The following KLHL1 variants were observed in gnomAD, a reference collection of about 807,000 sequenced individuals.
KLHL1 encodes the protein kelch like family member 1, also known as kelch-like protein 1.
In KLHL1, 47 loss-of-function variants were observed where a neutral mutation model predicts 77.7. That is an observed-to-expected ratio of 0.60 (90% CI 0.48 to 0.77). KLHL1 has a LOEUF of 0.77. Among genes scored for constraint, KLHL1 ranks in the 30% least tolerant of loss-of-function variants. KLHL1 has a pLI of 0.00. For missense variants in KLHL1, 925 were observed against 910.8 expected (o/e 1.02, Z -0.20); for synonymous variants, 360 against 325.2 (o/e 1.11, Z -1.15).
rs5804459 is a variant in KLHL1, at chr13:70,024,620, TTCTCTCTCTCTCTCTC to T, written c.498-48834_498-48819del. Reference sequence around the variant, plus strand: ...CTGGTTAGGGGTGAGGAGAAAAGATTTCTCTCTCTCTCTCTCTCTCTCTCTCTCTCTCTCTCTCTCG... The same window carrying T: ...CTGGTTAGGGGTGAGGAGAAAAGATTTCTCTCTCTCTCTCTCTCTCTCTCG... On this transcript the variant is annotated intron_variant, in intron 1 of 10. Transcript: ENST00000377844. Among the ~76,000 whole-genome samples, 49 of 130,304 alleles carry T rather than the reference TTCTCTCTCTCTCTCTC, an allele frequency of 3.8e-4. 1 individual carries two copies. The highest frequency in any genetic ancestry group is 3.8e-3 in the Middle Eastern group (1 of 260). The allele number at this position is 130,304 out of a possible 152,430, so 85.5% of individuals were successfully genotyped here. A position where few individuals can be genotyped will look rare whatever the true frequency, so the allele number is the denominator to read the frequency against.
intron 2 of KLHL1, among the ~76,000 whole-genome samples, chr13:69,972,344 G>A (rs1466511695): frequency 6.6e-6 from 1 of 151,836 alleles, no homozygotes; most frequent in East Asian, 1.9e-4. Flanking sequence ...TAAACTTATT[G>A]TCAAATATGT....
At chr13:70,034,085 A>G (rs1328674749) in intron 1 of KLHL1, among the ~76,000 whole-genome samples, 1 of 152,188 alleles carries the variant, frequency 6.6e-6, no homozygotes, top group East Asian at 1.9e-4. Context: ...AGTTCTAAGA[A>G]TCACCTCAAG....
At chr13:70,046,357 C>G (rs1030216804) in intron 1 of KLHL1, among the ~76,000 whole-genome samples, 1 of 152,216 alleles carries the variant, frequency 6.6e-6, no homozygotes, top group Non-Finnish European at 1.5e-5. Flanking sequence ...TCCAACTTTA[C>G]AAGTGAAGAA....
At chr13:70,055,955 C>T (rs1381419074) in intron 1 of KLHL1, among the ~76,000 whole-genome samples, 1 of 151,938 alleles carries the variant, frequency 6.6e-6, no homozygotes, top group Non-Finnish European at 1.5e-5. Flanking sequence ...CAAACTAACA[C>T]TAATAAGTCC....
At chr13:69,734,392 T>G (rs1593783224) in intron 8 of KLHL1, among the ~76,000 whole-genome samples, 1 of 152,264 alleles carries the variant, frequency 6.6e-6, no homozygotes, top group African/African-American at 2.4e-5. Flanking sequence ...TTTCCCAGTT[T>G]CGGGTATTTC....
At chr13:69,884,069 A>T (rs994395782) in intron 4 of KLHL1, among the ~76,000 whole-genome samples, 5 of 152,200 alleles carry the variant, frequency 3.3e-5, no homozygotes, top group African/African-American at 7.2e-5. Context: ...GCAAGTGACC[A>T]TTAATCTGTA....
intron 1 of KLHL1, among the ~76,000 whole-genome samples, chr13:70,002,770 G>C (rs577675407): frequency 6.6e-6 from 1 of 151,604 alleles, no homozygotes; most frequent in East Asian, 1.9e-4. Flanking sequence ...ATATGCTAAC[G>C]TGCTAAGTAT....
intron 8 of KLHL1, among the ~76,000 whole-genome samples, chr13:69,739,844 C>T (rs1252428556): frequency 6.6e-6 from 1 of 152,064 alleles, no homozygotes; most frequent in African/African-American, 2.4e-5. Flanking sequence ...TTTGCCACTT[C>T]CCAGGGGATA....
At chr13:69,813,218 G>A (rs867028658) in intron 6 of KLHL1, among the ~76,000 whole-genome samples, 1,930 of 151,598 alleles carry the variant, frequency 0.013, 44 homozygotes, top group African/African-American at 0.044. Flanking sequence ...GCAAACTATC[G>A]CAAGGACAAA....
chr13:70,031,763 G>A (rs1180602620), intron 1 of KLHL1, among the ~76,000 whole-genome samples: 1 of 152,170 alleles, frequency 6.6e-6, no homozygotes, highest in Non-Finnish European at 1.5e-5. Context: ...TTGTTCTAGA[G>A]TGATAGTATG....
intron 1 of KLHL1, among the ~76,000 whole-genome samples, chr13:70,065,582 A>C (rs1886988187): frequency 6.6e-6 from 1 of 152,230 alleles, no homozygotes; most frequent in South Asian, 2.1e-4. Context: ...GACATCTTGC[A>C]GCAGCAATTA....
intron 1 of KLHL1, among the ~76,000 whole-genome samples, chr13:70,004,621 T>C (rs1330784765): frequency 1.3e-5 from 2 of 151,986 alleles, no homozygotes; most frequent in East Asian, 3.9e-4. Flanking sequence ...CACATTTAAA[T>C]ATGTACAAAG....
chr13:69,975,514 T>A (rs28402140), intron 2 of KLHL1, 106 bp downstream of exon 2: 2 of 389,672 alleles, frequency 5.1e-6, no homozygotes, highest in Admixed American at 7.5e-5. Context: ...CTTAAAAAAA[T>A]GTGAATCCTT....
chr13:70,082,144 T>C (rs949433104), intron 1 of KLHL1, among the ~76,000 whole-genome samples: 1 of 152,140 alleles, frequency 6.6e-6, no homozygotes, highest in African/African-American at 2.4e-5. Flanking sequence ...GTAAGTCTCC[T>C]GAGAGCTCCC....
intron 1 of KLHL1, among the ~76,000 whole-genome samples, chr13:69,996,546 C>G (rs761685528): frequency 6.6e-6 from 1 of 152,052 alleles, no homozygotes; most frequent in African/African-American, 2.4e-5. Context: ...CTTCCCATAA[C>G]ACTTTGTAAA....
At chr13:70,087,865 A>C (rs371660821) in intron 1 of KLHL1, among the ~76,000 whole-genome samples, 6 of 152,052 alleles carry the variant, frequency 3.9e-5, no homozygotes, top group African/African-American at 1.5e-4. Flanking sequence ...GTAGGATTAC[A>C]AATAGATGCT....
At chr13:69,802,188 A>G (rs1235710454) in intron 6 of KLHL1, among the ~76,000 whole-genome samples, 5 of 152,148 alleles carry the variant, frequency 3.3e-5, no homozygotes, top group Non-Finnish European at 7.3e-5. Flanking sequence ...CCTGCAAAGG[A>G]CATAAATTCA....
chr13:69,821,822 C>A (rs550817195), intron 6 of KLHL1, among the ~76,000 whole-genome samples: 1 of 152,096 alleles, frequency 6.6e-6, no homozygotes, highest in Non-Finnish European at 1.5e-5. Flanking sequence ...CTATTTTCGA[C>A]TAACTTTTTT....
intron 4 of KLHL1, among the ~76,000 whole-genome samples, chr13:69,917,913 T>C (rs1270267097): frequency 1.3e-5 from 2 of 152,150 alleles, no homozygotes; most frequent in African/African-American, 4.8e-5. Flanking sequence ...ACTAAGATTG[T>C]TGAAAGGTAC....
Sources: allele counts gnomAD v4.1 joint callset (sites outside exome capture counted in the v4.1 genomes callset), GRCh38; gene constraint gnomAD v4.1.1; transcripts MANE v1.5; gene names NCBI Gene and HGNC (gene_info 2026-07-23, HGNC 2026-07-21).